The following PRIM2 variants were observed in gnomAD, a reference collection of about 807,000 sequenced individuals.
The protein encoded by PRIM2 is DNA primase subunit 2, also known as DNA primase large subunit.
Under a neutral mutation model 67.3 loss-of-function variants are expected in PRIM2, and 39 were observed. The ratio of observed to expected loss-of-function variants is 0.58; its 90% CI spans 0.45 to 0.76. PRIM2 has a LOEUF of 0.76. Ranked by LOEUF, PRIM2 falls within the 30% of genes least tolerant of loss-of-function variation. The pLI is 0.00. For synonymous variants in PRIM2, 143 were observed against 198.7 expected (o/e 0.72, Z 2.36); for missense variants, 398 against 598.7 (o/e 0.66, Z 3.50).
At position 57,646,260 on chromosome 6, in the gene PRIM2, A is replaced by G. The variant is rs1436209738; in HGVS notation, c.*102A>G. 1.6e-6 allele frequency: 1 copy of G among 633,460 alleles called. No individual in the cohort carries two copies. The highest frequency in any genetic ancestry group is 2.8e-6 in the Non-Finnish European group (1 of 359,968). The allele number at this position is 633,460 out of a possible 1,614,324, so 39.2% of individuals were successfully genotyped here. ...TCACTCTGTCACCAAGGCTTAGTGC[A>G]GTGACACAATTACAGCTGATTGCAG... On this transcript the variant is annotated 3_prime_UTR_variant, in exon 14 of 14. Coordinates refer to ENST00000615550, the MANE Select transcript of PRIM2 (RefSeq NM_000947.5).
intron 10 of PRIM2, among the ~76,000 whole-genome samples, chr6:57,559,895 T>C (rs1383869763): frequency 6.6e-6 from 1 of 152,104 alleles, no homozygotes; most frequent in Non-Finnish European, 1.5e-5. Context: ...ATCTTTTTGC[T>C]GGTGGAGGGT....
chr6:57,395,910 A>C (rs1770501244), intron 7 of PRIM2, among the ~76,000 whole-genome samples: 1 of 152,058 alleles, frequency 6.6e-6, no homozygotes, highest in South Asian at 2.1e-4. Context: ...TTTGTTTTTG[A>C]CCCAATGCTC....
the PRIM2 span, among the ~76,000 whole-genome samples, chr6:57,253,851 A>G: frequency 1.3e-5 from 2 of 152,182 alleles, no homozygotes; most frequent in African/African-American, 4.8e-5. Flanking sequence ...GAAAGTTGGA[A>G]AGTGGAAAAG....
At chr6:57,233,212 A>T in the PRIM2 span, among the ~76,000 whole-genome samples, 2 of 152,164 alleles carry the variant, frequency 1.3e-5, no homozygotes, top group African/African-American at 2.4e-5. Context: ...GTTTTCTGGG[A>T]TGAGTTTCCA....
At chr6:57,238,081 C>T in the PRIM2 span, among the ~76,000 whole-genome samples, 1 of 152,144 alleles carries the variant, frequency 6.6e-6, no homozygotes, top group Non-Finnish European at 1.5e-5. Flanking sequence ...TAGAGACCTA[C>T]AAAGAGACTT....
intron 12 of PRIM2, among the ~76,000 whole-genome samples, chr6:57,623,457 T>C (rs1161785415): frequency 6.6e-6 from 1 of 152,164 alleles, no homozygotes; most frequent in Admixed American, 6.5e-5. Flanking sequence ...AAAACATCCT[T>C]TCTTAAAATT....
At chr6:57,256,661 CACAT>C in the PRIM2 span, among the ~76,000 whole-genome samples, 9,486 of 140,124 alleles carry the variant, frequency 0.068, 425 homozygotes, top group East Asian at 0.19. Flanking sequence ...CACACACACA[CACAT>C]GCCATGCAGG....
intron 13 of PRIM2, among the ~76,000 whole-genome samples, chr6:57,640,702 C>T (rs1777215538): frequency 6.6e-6 from 1 of 152,102 alleles, no homozygotes; most frequent in East Asian, 1.9e-4. Flanking sequence ...AGGAGAACTA[C>T]AAACCACTGC....
intron 7 of PRIM2, among the ~76,000 whole-genome samples, chr6:57,445,479 C>A (rs1431143272): frequency 2.0e-5 from 3 of 152,092 alleles, no homozygotes; most frequent in Non-Finnish European, 2.9e-5. Flanking sequence ...TGTATGTAGA[C>A]CTCCCAATTA....
At chr6:57,550,618 T>C (rs1222709165) in intron 10 of PRIM2, among the ~76,000 whole-genome samples, 3 of 152,144 alleles carry the variant, frequency 2.0e-5, no homozygotes, top group Non-Finnish European at 4.4e-5. Context: ...TCAACTCTGT[T>C]ATTCATTTAT....
intron 10 of PRIM2, among the ~76,000 whole-genome samples, chr6:57,574,702 C>G (rs1469847398): frequency 6.6e-6 from 1 of 150,662 alleles, no homozygotes; most frequent in African/African-American, 2.4e-5. Context: ...GAGCAAGGAC[C>G]AACTTCAGGA....
At chr6:57,338,179 A>C (rs926997138) in intron 5 of PRIM2, among the ~76,000 whole-genome samples, 3 of 152,096 alleles carry the variant, frequency 2.0e-5, no homozygotes, top group Non-Finnish European at 4.4e-5. Flanking sequence ...ATCTCTGAAT[A>C]GACCAATAAC....
intron 7 of PRIM2, among the ~76,000 whole-genome samples, chr6:57,498,048 TA>T (rs1242958538): frequency 6.6e-6 from 1 of 152,166 alleles, no homozygotes; most frequent in African/African-American, 2.4e-5. Flanking sequence ...CAGCTGCTTG[TA>T]AAAGTTAATT....
the PRIM2 span, among the ~76,000 whole-genome samples, chr6:57,224,351 C>A: frequency 6.6e-6 from 1 of 152,096 alleles, no homozygotes; most frequent in Non-Finnish European, 1.5e-5. Flanking sequence ...AGGACAAATG[C>A]TGTATGATTC....
intron 7 of PRIM2, among the ~76,000 whole-genome samples, chr6:57,391,920 A>C (rs1349717818): frequency 1.3e-5 from 2 of 152,024 alleles, no homozygotes; most frequent in African/African-American, 4.8e-5. Flanking sequence ...AATGTCATTG[A>C]TAGTTTGATA....
Position 57,542,277 on chromosome 6 carries a change from C to T in PRIM2, c.1020+4652C>T, listed in dbSNP as rs1260518597. 3.0e-4 allele frequency among the ~76,000 whole-genome samples: 45 copies of T among 152,222 alleles called. No homozygotes were observed. The South Asian group carries it at 4.4e-3, about 15-fold the overall frequency. On this transcript the variant is annotated intron_variant, in intron 10 of 13. Transcript: ENST00000615550. ...AAGCGTGAGCTACTGCCACCATGCCCGGCTGGTGAGCTGGGTTGTTTTGAA... is the reference window on the plus strand; with the variant it reads ...AAGCGTGAGCTACTGCCACCATGCCTGGCTGGTGAGCTGGGTTGTTTTGAA...
At chr6:57,431,833 T>G (rs1771840875) in intron 7 of PRIM2, among the ~76,000 whole-genome samples, 1 of 152,172 alleles carries the variant, frequency 6.6e-6, no homozygotes, top group African/African-American at 2.4e-5. Context: ...CCTTCACTAA[T>G]GAAGATAACA....
intron 8 of PRIM2, among the ~76,000 whole-genome samples, chr6:57,509,526 G>T (rs1774318633): frequency 6.6e-6 from 1 of 151,990 alleles, no homozygotes; most frequent in Non-Finnish European, 1.5e-5. Context: ...ACTGGCTTAA[G>T]ACCCATCTCT....
intron 7 of PRIM2, among the ~76,000 whole-genome samples, chr6:57,387,056 T>TGAAAAAC (rs1397060398): frequency 6.6e-6 from 1 of 152,204 alleles, no homozygotes; most frequent in African/African-American, 2.4e-5. Context: ...TTTCCTTTGA[T>TGAAAAAC]AGGAACTCTG....
Sources: gnomAD v4.1 joint callset for allele counts (sites outside exome capture counted in the v4.1 genomes callset) on GRCh38, gnomAD v4.1.1 for gene constraint, MANE v1.5 for transcripts, NCBI Gene and HGNC (gene_info 2026-07-23, HGNC 2026-07-21) for gene names.